Variants in ADAMTSL3 observed in about 807,000 individuals in gnomAD.
ADAMTSL3 encodes ADAMTS like 3.
Under a neutral mutation model 201.7 loss-of-function variants are expected in ADAMTSL3, and 128 were observed. The observed-to-expected ratio is 0.63, with a 90% confidence interval of 0.55 to 0.73. The LOEUF (loss-of-function observed/expected upper bound fraction) is 0.73, where lower values mean the gene tolerates loss of function less well. Ranked by LOEUF, ADAMTSL3 falls within the 30% of genes least tolerant of loss-of-function variation. The pLI is 0.00. For synonymous variants in ADAMTSL3, 738 were observed against 748.4 expected (o/e 0.99, Z 0.23); for missense variants, 1,990 against 2,119.6 (o/e 0.94, Z 1.20).
At chr15:83,745,454 A>T (rs2554384) in intron 3 of ADAMTSL3, among the ~76,000 whole-genome samples, 9 of 152,164 alleles carry the variant, frequency 5.9e-5, no homozygotes, top group African/African-American at 1.9e-4. Context: ...AAGAGCACTG[A>T]CTGTAACAGT....
At chr15:83,905,297 G>T (rs1357507739) in intron 15 of ADAMTSL3, among the ~76,000 whole-genome samples, 1 of 152,306 alleles carries the variant, frequency 6.6e-6, no homozygotes, top group East Asian at 1.9e-4. Flanking sequence ...GGTGTTATTC[G>T]GGATCAGGGA....
chr15:83,784,270 G>A lies in ADAMTSL3; in HGVS notation c.317+10620G>A, dbSNP rs543037276. On this transcript the variant is annotated intron_variant, in intron 4 of 29. Transcript: ENST00000286744. Reference sequence around the variant, plus strand: ...TTTGTCTTAGACTAACTGCCCCTATGCCACTGATTGGCAGGAATTGGCTAT... The same window carrying A: ...TTTGTCTTAGACTAACTGCCCCTATACCACTGATTGGCAGGAATTGGCTAT... Among the ~76,000 whole-genome samples, 8 of 152,204 alleles carry A rather than the reference G, an allele frequency of 5.3e-5. No individual in the cohort carries two copies. The South Asian group carries it at 1.7e-3, about 32-fold the overall frequency.
Position 84,005,404 on chromosome 15 carries a change from C to T in ADAMTSL3, c.3974-9138C>T, listed in dbSNP as rs142880251. On this transcript the variant is annotated intron_variant, in intron 23 of 29. Coordinates refer to ENST00000286744, the MANE Select transcript of ADAMTSL3 (RefSeq NM_207517.3). Reference sequence around the variant, plus strand: ...GCTGCTGTTTAGGAGTTCCTCCTATCCCCTTTACTGGAATCAGTAGTTTAC... The same window carrying T: ...GCTGCTGTTTAGGAGTTCCTCCTATTCCCTTTACTGGAATCAGTAGTTTAC... 3.4e-3 allele frequency among the ~76,000 whole-genome samples: 522 copies of T among 152,338 alleles called. 2 individuals are homozygous for T. The highest frequency in any genetic ancestry group is 0.012 in the African/African-American group (499 of 41,584).
chr15:83,738,716 A>T (rs371500412), intron 3 of ADAMTSL3, among the ~76,000 whole-genome samples: 9 of 152,148 alleles, frequency 5.9e-5, no homozygotes, highest in East Asian at 3.9e-4. Context: ...CAACATGGTG[A>T]AACCCTATCT....
At chr15:83,838,382 T>C (rs922334234) in intron 7 of ADAMTSL3, among the ~76,000 whole-genome samples, 167 bp downstream of exon 7, 8 of 152,262 alleles carry the variant, frequency 5.3e-5, no homozygotes, top group African/African-American at 1.9e-4. Context: ...CAAACTTTTG[T>C]TCCCATTATA....
In ADAMTSL3 at chr15:84,016,448, A is replaced by G; in HGVS notation, c.4222A>G (p.Thr1408Ala). ...QGHKKYILQA[T>A]NTRTNSNDPT... The stretch of plus-strand genomic sequence containing the variant: ...ACATAAAAAGTACATTCTCCAGGCA[A>G]CCAACACTAGAACCAACAGCAATGA... The change falls in exon 25 of 30, where the codon ACC becomes GCC. Residue 1408 changes from threonine to alanine, a missense_variant. By Grantham distance (58) the Thr-to-Ala change is moderately conservative (BLOSUM62 0). Coordinates refer to ENST00000286744, the MANE Select transcript of ADAMTSL3 (RefSeq NM_207517.3). The G allele has an allele frequency of 1.2e-6, 2 of 1,614,100 alleles. No homozygotes were observed. Among genetic ancestry groups the G allele is most frequent in the Non-Finnish European group, 1.7e-6 (2 of 1,179,980 alleles).
intron 2 of ADAMTSL3, among the ~76,000 whole-genome samples, chr15:83,669,390 C>T (rs565981603): frequency 5.3e-5 from 7 of 131,442 alleles, no homozygotes; most frequent in African/African-American, 1.7e-4. Context: ...GTGATCTGCC[C>T]GCATCGGCCT....
chr15:83,958,683 G>A lies in ADAMTSL3; in HGVS notation c.2491-11801G>A, dbSNP rs191829758. On this transcript the variant is annotated intron_variant, in intron 19 of 29. Transcript: ENST00000286744. Reference sequence around the variant, plus strand: ...ATGAAAATTTGGCCTTTAAACAGATGAAAATATACTCAGTGTTACAAAATG... The same window carrying A: ...ATGAAAATTTGGCCTTTAAACAGATAAAAATATACTCAGTGTTACAAAATG... 9.9e-5 allele frequency among the ~76,000 whole-genome samples: 15 copies of A among 152,134 alleles called. No individual in the cohort carries two copies. The East Asian group carries it at 2.9e-3, about 29-fold the overall frequency.
chr15:83,667,267 T>C (rs1424054465), intron 2 of ADAMTSL3, among the ~76,000 whole-genome samples: 4 of 152,188 alleles, frequency 2.6e-5, no homozygotes, highest in African/African-American at 9.6e-5. Context: ...ATTGTACCTT[T>C]GTAATGTGTT....
intron 3 of ADAMTSL3, among the ~76,000 whole-genome samples, chr15:83,727,031 C>T (rs1174834790): frequency 1.3e-5 from 2 of 151,706 alleles, no homozygotes; most frequent in Non-Finnish European, 2.9e-5. Context: ...TTGGGCTTTT[C>T]CTTGTTAGGA....
At chr15:83,848,660 A>G (rs2064549963) in intron 7 of ADAMTSL3, among the ~76,000 whole-genome samples, 1 of 152,214 alleles carries the variant, frequency 6.6e-6, no homozygotes, top group Admixed American at 6.5e-5. Flanking sequence ...TTGGGTCCTT[A>G]CCCTGGTTCT....
chr15:83,732,612 A>C (rs917560609), intron 3 of ADAMTSL3, among the ~76,000 whole-genome samples: 4 of 152,126 alleles, frequency 2.6e-5, no homozygotes, highest in African/African-American at 9.7e-5. Flanking sequence ...TACTCTAGAA[A>C]TCTATTAGAA....
chr15:83,940,811 CATAAA>C (rs2066544965), intron 17 of ADAMTSL3, among the ~76,000 whole-genome samples: 1 of 152,030 alleles, frequency 6.6e-6, no homozygotes, highest in South Asian at 2.1e-4. Flanking sequence ...TTATAATATG[CATAAA>C]ATAAAATATT....
chr15:83,969,291 A>G (rs1405930667), intron 19 of ADAMTSL3, among the ~76,000 whole-genome samples: 1 of 152,128 alleles, frequency 6.6e-6, no homozygotes, highest in East Asian at 1.9e-4. Flanking sequence ...TAAAAATACA[A>G]AAAGTAGCAG....
chr15:83,719,838 G>A (rs984459728), intron 3 of ADAMTSL3, among the ~76,000 whole-genome samples: 5 of 152,182 alleles, frequency 3.3e-5, no homozygotes, highest in Admixed American at 6.5e-5. Context: ...TATTAATAAG[G>A]AAGTTGTGGC....
At chr15:83,825,411 G>C (rs57757039) in intron 6 of ADAMTSL3, among the ~76,000 whole-genome samples, 2,451 of 152,252 alleles carry the variant, frequency 0.016, 72 homozygotes, top group African/African-American at 0.054. Context: ...AGGAGTTCGA[G>C]ACCAGCCTGG....
At chr15:83,697,073 A>C (rs1287603785) in intron 2 of ADAMTSL3, among the ~76,000 whole-genome samples, 1 of 152,080 alleles carries the variant, frequency 6.6e-6, no homozygotes, top group East Asian at 1.9e-4. Context: ...GGTTAGGAGA[A>C]GTGTTCAGAC....
chr15:83,884,807 T>A (rs1007179955), intron 9 of ADAMTSL3, among the ~76,000 whole-genome samples: 7 of 152,248 alleles, frequency 4.6e-5, no homozygotes, highest in African/African-American at 1.4e-4. Flanking sequence ...AAAGACAGTG[T>A]GAAACGAACA....
chr15:83,786,602 T>C (rs1455643158), intron 4 of ADAMTSL3, among the ~76,000 whole-genome samples: 1 of 152,212 alleles, frequency 6.6e-6, no homozygotes, highest in Non-Finnish European at 1.5e-5. Flanking sequence ...TAAATACTGC[T>C]ATGGCATTAT....
Sources: gnomAD v4.1 joint callset for allele counts (sites outside exome capture counted in the v4.1 genomes callset) on GRCh38, gnomAD v4.1.1 for gene constraint, MANE v1.5 for transcripts, NCBI Gene and HGNC (gene_info 2026-07-23, HGNC 2026-07-21) for gene names.